Variants in ZMYND12 observed in about 807,000 individuals in gnomAD.
The protein encoded by ZMYND12 is zinc finger MYND-type containing 12.
In ZMYND12, 32 loss-of-function variants were observed where a neutral mutation model predicts 41.7. The observed-to-expected ratio is 0.77, with a 90% CI of 0.58 to 1.03. The LOEUF (loss-of-function observed/expected upper bound fraction) is 1.03. Among genes scored for constraint, ZMYND12 ranks in the 50% least tolerant of loss-of-function variants. The probability of loss-of-function intolerance (pLI) is 0.00; values close to 1 mark genes in which losing one functional copy is unlikely to be tolerated. For synonymous variants in ZMYND12, 148 were observed against 164.8 expected, an observed-to-expected ratio of 0.90 and a Z score of 0.78; for missense variants, 424 against 438.5, an observed-to-expected ratio of 0.97 and a Z score of 0.30.
chr1:42,440,519 T>A (rs1642957771), intron 3 of ZMYND12, among the ~76,000 whole-genome samples: 1 of 151,666 alleles, frequency 6.6e-6, no homozygotes, highest in Non-Finnish European at 1.5e-5. Context: ...TAACAGGGGG[T>A]CCAATGCAAG....
Position 42,455,755 on chromosome 1 carries a change from C to T in ZMYND12, c.110+133G>A, listed in dbSNP as rs1197066498. ...ACGAGGCCACGGGAGTCTTAGGGGC[C>T]TGTCTTAAAGCCGTTTTGAGGTGTC... On this transcript the variant is annotated intron_variant, in intron 1 of 7. Transcript: ENST00000372565. The T allele has an allele frequency of 7.9e-6, 5 of 632,830 alleles. No homozygotes were observed. In the Admixed American group the frequency reaches 1.2e-4, roughly 15 times the overall value. 39.2% of individuals were successfully genotyped at this position (632,830 alleles called of 1,614,324 possible).
At chr1:42,454,829 G>A (rs1643133746) in intron 1 of ZMYND12, among the ~76,000 whole-genome samples, 1 of 151,322 alleles carries the variant, frequency 6.6e-6, no homozygotes, top group South Asian at 2.1e-4. Flanking sequence ...TCAGCCTCCC[G>A]AGTAGCTAGG....
intron 3 of ZMYND12, among the ~76,000 whole-genome samples, chr1:42,442,375 A>G (rs2809665): frequency 0.98 from 149,219 of 152,296 alleles, 73,170 homozygotes; most frequent in East Asian, 1. Context: ...ACAGGAAGTA[A>G]AATGGACAAC....
chr1:42,446,813 C>A (rs990275080), intron 3 of ZMYND12, among the ~76,000 whole-genome samples: 1 of 152,120 alleles, frequency 6.6e-6, no homozygotes, highest in African/African-American at 2.4e-5. Context: ...CAGCTTTTGG[C>A]TTCTGATTTT....
chr1:42,433,318 AGGCTCTT>A, intron 6 of ZMYND12, 30 bp from the exon 7 acceptor site: 1 of 1,584,882 alleles, frequency 6.3e-7, no homozygotes, highest in Non-Finnish European at 8.5e-7. Flanking sequence ...AAGAAAAAAC[AGGCTCTT>A]GGCAACTGAG....
chr1:42,450,035 G>A lies in ZMYND12; in HGVS notation c.135C>T (p.Asp45=), dbSNP rs766662787. 1.2e-6 allele frequency: 2 copies of A among 1,613,874 alleles called. No homozygotes were observed. The highest frequency in any genetic ancestry group is 2.2e-5 in the East Asian group (1 of 44,888). ...ATATTTTCTCATGGATGCTGTCCCA[G>A]TCAGCCTTCTGATGTACCACCCCAC... ...YYCGVVHQKA[D]WDSIHEKICQ... Residue 45 remains aspartate, a synonymous_variant, in exon 2 of 8, where the codon GAC becomes GAT. Coordinates refer to ENST00000372565, the MANE Select transcript of ZMYND12 (RefSeq NM_032257.5).
rs950944591 is a variant in ZMYND12 at position 42,431,223 on chromosome 1, G to A, written c.976-365C>T. ...ACTCTGGGGTGGTCCTGGAGACCAT[G>A]TGGCCCAGAGTTTTGACTTGGAAAG... On this transcript the variant is annotated intron_variant, in intron 7 of 7. Transcript: ENST00000372565. Among the ~76,000 whole-genome samples, 3 of 152,164 alleles carry A rather than the reference G, an allele frequency of 2.0e-5. No homozygotes were observed. The South Asian group carries it at 6.2e-4, about 32-fold the overall frequency.
intron 1 of ZMYND12, among the ~76,000 whole-genome samples, chr1:42,453,103 A>C (rs994234387): frequency 2.6e-5 from 4 of 152,216 alleles, no homozygotes; most frequent in African/African-American, 9.7e-5. Context: ...GATGCTTTAC[A>C]TTCGACCATC....
chr1:42,432,988 C>T, intron 7 of ZMYND12, 155 bp downstream of exon 7: 3 of 891,428 alleles, frequency 3.4e-6, no homozygotes, highest in Admixed American at 2.7e-5. Context: ...CTAGACTCAA[C>T]ACAGGAGAAA....
chr1:42,434,643 G>A (rs1352640242), intron 6 of ZMYND12, among the ~76,000 whole-genome samples: 1 of 151,808 alleles, frequency 6.6e-6, no homozygotes, highest in Non-Finnish European at 1.5e-5. Flanking sequence ...TGTGAACTGT[G>A]CATGCAAAGG....
chr1:42,433,310 G>T (rs760618131), intron 6 of ZMYND12, 22 bp from the exon 7 acceptor site: 4 of 1,584,784 alleles, frequency 2.5e-6, no homozygotes, highest in South Asian at 1.2e-5. Context: ...GGGGAAGAAA[G>T]AAAAAACAGG....
At chr1:42,449,414 G>A (rs903617579) in intron 2 of ZMYND12, among the ~76,000 whole-genome samples, 1 of 152,190 alleles carries the variant, frequency 6.6e-6, no homozygotes, top group African/African-American at 2.4e-5. Context: ...TATAATTGGA[G>A]CTAGGGCCTG....
intron 4 of ZMYND12, among the ~76,000 whole-genome samples, chr1:42,437,196 C>T (rs1241701758): frequency 6.6e-6 from 1 of 152,036 alleles, no homozygotes; most frequent in South Asian, 2.1e-4. Context: ...ATGCAAAGGA[C>T]CACACATGAT....
chr1:42,441,516 T>A (rs1257751582), intron 3 of ZMYND12, among the ~76,000 whole-genome samples: 2 of 152,264 alleles, frequency 1.3e-5, no homozygotes, highest in Non-Finnish European at 2.9e-5. Context: ...TAATACAAAG[T>A]AAATGCTATG....
Position 42,430,875 on chromosome 1 carries a change from G to A in ZMYND12, c.976-17C>T, listed in dbSNP as rs1301724769. On this transcript the variant is annotated splice_polypyrimidine_tract_variant and intron_variant, in intron 7 of 7. Coordinates refer to ENST00000372565, the MANE Select transcript of ZMYND12 (RefSeq NM_032257.5). The stretch of plus-strand genomic sequence containing the variant: ...TTCCTGTGCCTGAAATAGAATTGCA[G>A]TGACAAAAGGAAGTTGTCACAGGAA... The A allele has an allele frequency of 6.2e-7, 1 of 1,613,600 alleles. No individual in the cohort carries two copies. The highest frequency in any genetic ancestry group is 1.7e-5 in the Admixed American group (1 of 60,016).
At position 42,450,026 on chromosome 1, in the gene ZMYND12, G is replaced by A; in HGVS notation, c.144C>T (p.Ser48=). Residue 48 remains serine (S), a synonymous_variant, in exon 2 of 8, where the codon AGC becomes AGT. Coordinates refer to ENST00000372565, the MANE Select transcript of ZMYND12 (RefSeq NM_032257.5). ...AGAGCTGACATATTTTCTCATGGAT[G>A]CTGTCCCAGTCAGCCTTCTGATGTA... ...GVVHQKADWD[S]IHEKICQLLI... 1 of 1,613,912 alleles carries A rather than the reference G, an allele frequency of 6.2e-7. No individual in the cohort carries two copies. The highest frequency in any genetic ancestry group is 8.5e-7 in the Non-Finnish European group (1 of 1,180,024).
In ZMYND12 at chr1:42,446,021, G is replaced by C. The variant is rs112907136; in HGVS notation, c.424+2446C>G. 7.8e-3 allele frequency among the ~76,000 whole-genome samples: 1,186 copies of C among 152,212 alleles called. 21 individuals carry two copies. The highest frequency in any genetic ancestry group is 0.027 in the African/African-American group (1,109 of 41,524). On this transcript the variant is annotated intron_variant, in intron 3 of 7. Transcript: ENST00000372565. ...AGTCTGGAATGGGGTGTCAGACCTG[G>C]GCAGGGTGAGCAGGGCATTCCTGCA...
intron 2 of ZMYND12, among the ~76,000 whole-genome samples, chr1:42,449,290 T>C (rs1340377918): frequency 6.6e-6 from 1 of 152,244 alleles, no homozygotes; most frequent in Non-Finnish European, 1.5e-5. Context: ...TACATCATTC[T>C]TAACCCTCCT....
rs1045650020 is a variant in ZMYND12 at position 42,439,290 on chromosome 1, G to A, written c.594+566C>T. 9.8e-5 allele frequency among the ~76,000 whole-genome samples: 14 copies of A among 143,278 alleles called. No homozygotes were observed. In the East Asian group the frequency reaches 1.9e-3, roughly 20 times the overall value. The allele number at this position is 143,278 out of a possible 152,430, so 94.0% of individuals were successfully genotyped here. On this transcript the variant is annotated intron_variant, in intron 4 of 7. Coordinates refer to ENST00000372565, the MANE Select transcript of ZMYND12 (RefSeq NM_032257.5). ...CTCTCTCTTTTTTTTTTTTTGAGACGAAGTCTTGCTCTGTCGCCAGGCTGG... is the reference window on the plus strand; with the variant it reads ...CTCTCTCTTTTTTTTTTTTTGAGACAAAGTCTTGCTCTGTCGCCAGGCTGG...
Sources: allele counts gnomAD v4.1 joint callset (sites outside exome capture counted in the v4.1 genomes callset), GRCh38; gene constraint gnomAD v4.1.1; transcripts MANE v1.5; gene names NCBI Gene and HGNC (gene_info 2026-07-23, HGNC 2026-07-21).